Variants in NR5A1 observed in about 807,000 individuals in gnomAD.
NR5A1 encodes nuclear receptor subfamily 5 group A member 1.
In NR5A1, 6 loss-of-function variants were observed where a neutral mutation model predicts 42.7. That is an observed-to-expected ratio of 0.14 (90% CI 0.08 to 0.28). The LOEUF (loss-of-function observed/expected upper bound fraction) is 0.28, where lower values mean the gene tolerates loss of function less well. Among genes scored for constraint, NR5A1 ranks in the 10% least tolerant of loss-of-function variants. NR5A1 has a pLI of 1.00. For synonymous variants in NR5A1, 274 were observed against 277.5 expected (o/e 0.99, Z 0.12); for missense variants, 442 against 626.4 (o/e 0.71, Z 3.14).
chr9:124,487,087 C>A (rs1832223616), intron 6 of NR5A1, among the ~76,000 whole-genome samples: 1 of 152,370 alleles, frequency 6.6e-6, no homozygotes, highest in East Asian at 1.9e-4. Flanking sequence ...GCTCCCGGCA[C>A]TCGCGGAGGT....
At chr9:124,490,649 G>T (rs1484028876) in intron 6 of NR5A1, among the ~76,000 whole-genome samples, 1 of 152,102 alleles carries the variant, frequency 6.6e-6, no homozygotes, top group African/African-American at 2.4e-5. Flanking sequence ...GCTGGGCTTG[G>T]GGGGTTTTTG....
intron 6 of NR5A1, among the ~76,000 whole-genome samples, chr9:124,488,142 G>GT (rs35319224): frequency 0.59 from 85,130 of 145,378 alleles, 26,195 homozygotes; most frequent in African/African-American, 0.77. Flanking sequence ...AGTGCTGCTT[G>GT]TTTTTTTTTC....
chr9:124,489,756 A>G (rs573289882), intron 6 of NR5A1, among the ~76,000 whole-genome samples: 8 of 93,322 alleles, frequency 8.6e-5, no homozygotes, highest in African/African-American at 3.3e-4. Context: ...CCCGCCCCCC[A>G]CCCCAATGGC....
chr9:124,491,031 C>CCCCCCCCCCCCCGGGGGGGGG, intron 6 of NR5A1, 50 bp downstream of exon 6: 4 of 1,217,252 alleles, frequency 3.3e-6, no homozygotes, highest in Non-Finnish European at 4.5e-6. Flanking sequence ...ACCCTCCCAC[C>CCCCCCCCCCCCCGGGGGGGGG]CACCCGCCTC....
chr9:124,500,650 C>T lies in NR5A1; in HGVS notation c.310G>A (p.Ala104Thr). Residue 104 changes from alanine (A) to threonine (T), a missense_variant, in exon 4 of 7, where the codon GCC becomes ACC. Ala to Thr is a moderately conservative substitution (Grantham distance 58). Around this residue, in one of 3 missense-constraint regions of NR5A1, gnomAD observed 71 missense variants for 156.8 expected, o/e 0.45. Transcript: ENST00000373588. The surrounding 1 kb of genome is among the most constrained non-coding windows in gnomAD (Gnocchi z 6.9). ...TGTGCCTTCTTCTGCTGTTTCAGGGCCCGGTCCCGCTTGTACATCGGCCCA... is the reference window on the plus strand; with the variant it reads ...TGTGCCTTCTTCTGCTGTTTCAGGGTCCGGTCCCGCTTGTACATCGGCCCA... ...KFGPMYKRDRALKQQKKAQIR... is the reference protein window; with the variant it reads ...KFGPMYKRDRTLKQQKKAQIR... 1 of 1,613,358 alleles carries T rather than the reference C, an allele frequency of 6.2e-7. No homozygotes were observed. Among genetic ancestry groups the T allele is most frequent in the South Asian group, 1.1e-5 (1 of 91,082 alleles).
intron 6 of NR5A1, among the ~76,000 whole-genome samples, chr9:124,488,155 C>G (rs374567909): frequency 2.0e-5 from 3 of 150,772 alleles, no homozygotes; most frequent in African/African-American, 7.3e-5. Flanking sequence ...TTTTTTTCAC[C>G]CAGAATGCTC....
At chr9:124,494,418 C>T (rs1482739167) in intron 4 of NR5A1, among the ~76,000 whole-genome samples, 6 of 152,242 alleles carry the variant, frequency 3.9e-5, no homozygotes, top group Non-Finnish European at 8.8e-5. Flanking sequence ...TCACAGGCTC[C>T]TTGCCTCCTC....
intron 1 of NR5A1, among the ~76,000 whole-genome samples, chr9:124,505,868 TCCGCGGGGCCA>T (rs1317886495): frequency 6.6e-6 from 1 of 152,094 alleles, no homozygotes. Flanking sequence ...CTAGGGACCA[TCCGCGGGGCCA>T]CTGTTTTTCA....
intron 6 of NR5A1, among the ~76,000 whole-genome samples, 170 bp downstream of exon 6, chr9:124,490,911 G>A (rs1013808413): frequency 1.1e-4 from 16 of 152,164 alleles, no homozygotes; most frequent in African/African-American, 1.7e-4. Context: ...GGCCCTGGCC[G>A]GGGGCCCTCA....
Position 124,482,733 on chromosome 9 carries a change from TCCCGGCCCCGCC to T in NR5A1, c.*13_*24del, listed in dbSNP as rs759904693. 5.1e-5 allele frequency: 21 copies of T among 410,642 alleles called. No homozygotes were observed. Among genetic ancestry groups the T allele is most frequent in the Admixed American group, 2.7e-4 (6 of 21,950 alleles). 25.4% of individuals were successfully genotyped at this position (410,642 alleles called of 1,614,324 possible). A position where few individuals can be genotyped will look rare whatever the true frequency, so the allele number is the denominator to read the frequency against. On this transcript the variant is annotated 3_prime_UTR_variant, in exon 7 of 7. Transcript: ENST00000373588. ...GCCCCGCCCCCAGTCCCGCCCCCAG[TCCCGGCCCCGCC>T]CCCGGCCCAGGCTCAAGTCTGCTTG... is the stretch of plus-strand genomic sequence containing the variant.
At chr9:124,489,473 G>A (rs904713216) in intron 6 of NR5A1, among the ~76,000 whole-genome samples, 6 of 152,218 alleles carry the variant, frequency 3.9e-5, no homozygotes, top group Non-Finnish European at 8.8e-5. Flanking sequence ...GCGTATGAAA[G>A]TTCATCGTTT....
rs569521742 is a variant in NR5A1 at position 124,482,088 on chromosome 9, A to T, written c.*670T>A. 1 of 153,544 alleles carries T rather than the reference A, an allele frequency of 6.5e-6. No individual in the cohort carries two copies. The highest frequency in any genetic ancestry group is 2.1e-4 in the South Asian group (1 of 4,874). 9.5% of individuals were successfully genotyped at this position (153,544 alleles called of 1,614,324 possible). On this transcript the variant is annotated 3_prime_UTR_variant, in exon 7 of 7. Coordinates refer to ENST00000373588, the MANE Select transcript of NR5A1 (RefSeq NM_004959.5). The stretch of plus-strand genomic sequence containing the variant: ...TTCTCCTTGGGTGGGAGAGGGAATC[A>T]GTGATGCCTGGAGCAAAGTTTTTTC...
chr9:124,491,219 T>G lies in NR5A1; in HGVS notation c.1000A>C (p.Thr334Pro), dbSNP rs956455559. The change falls in exon 6 of 7, where the codon ACC becomes CCC. Residue 334 changes from threonine (T) to proline (P), a missense_variant. Thr to Pro is a conservative substitution (Grantham distance 38). This residue lies in a region of NR5A1 where 163 missense variants were observed against 265.8 expected (regional missense o/e 0.61). Transcript: ENST00000373588. ...GAGCCCGCCTGGGTGGCCACTGTGG[T>G]CAGCTCCACCTGGGGGCAGAGGGCA... ...LLVTGQEVEL[T>P]TVATQAGSLL... The G allele has an allele frequency of 6.2e-7, 1 of 1,603,980 alleles. No homozygotes were observed. The highest frequency in any genetic ancestry group is 8.5e-7 in the Non-Finnish European group (1 of 1,175,072).
Position 124,482,589 on chromosome 9 carries a change from C to T in NR5A1, c.*169G>A. The T allele has an allele frequency of 2.5e-6, 2 of 807,950 alleles. No individual in the cohort carries two copies. Among genetic ancestry groups the T allele is most frequent in the Non-Finnish European group, 3.9e-6 (2 of 510,620 alleles). The allele number at this position is 807,950 out of a possible 1,614,324, so 50.0% of individuals were successfully genotyped here. On this transcript the variant is annotated 3_prime_UTR_variant, in exon 7 of 7. Coordinates refer to ENST00000373588, the MANE Select transcript of NR5A1 (RefSeq NM_004959.5). ...GGCCCTGCCCAGCCTCACCCACCTT[C>T]CCAAACACACAGTGTCAGAACTCAG... is the stretch of plus-strand genomic sequence containing the variant.
chr9:124,483,496 AG>A (rs1296723371), intron 6 of NR5A1, among the ~76,000 whole-genome samples: 2 of 152,248 alleles, frequency 1.3e-5, no homozygotes, highest in Admixed American at 6.5e-5. Flanking sequence ...AGTGCTCTGA[AG>A]AACAGTGTCT....
At chr9:124,499,707 T>A (rs1262032056) in intron 4 of NR5A1, among the ~76,000 whole-genome samples, 1 of 151,778 alleles carries the variant, frequency 6.6e-6, no homozygotes, top group Non-Finnish European at 1.5e-5. Context: ...GAGCCCAGGG[T>A]CTCAGAGAAT....
chr9:124,500,008 T>C lies in NR5A1; in HGVS notation c.870+82A>G. 1 of 1,603,158 alleles carries C rather than the reference T, an allele frequency of 6.2e-7. No individual in the cohort carries two copies. Among genetic ancestry groups the C allele is most frequent in the South Asian group, 1.1e-5 (1 of 90,562 alleles). On this transcript the variant is annotated intron_variant, in intron 4 of 6. Transcript: ENST00000373588. The surrounding 1 kb of genome is among the most constrained non-coding windows in gnomAD (Gnocchi z 6.9). The stretch of plus-strand genomic sequence containing the variant: ...CTGAAGCCAGTGGGAAGGATGGCCC[T>C]ATCCAAAGGACAGTCGGGCTAAGGC...
At chr9:124,491,036 C>CCCCCCAGGG in intron 6 of NR5A1, 45 bp downstream of exon 6, 3 of 1,401,584 alleles carry the variant, frequency 2.1e-6, no homozygotes, top group Non-Finnish European at 2.9e-6. Context: ...CCCACCCACC[C>CCCCCCAGGG]GCCTCTGGCT....
intron 4 of NR5A1, among the ~76,000 whole-genome samples, chr9:124,494,442 C>T (rs747090963): frequency 6.6e-6 from 1 of 152,206 alleles, no homozygotes; most frequent in South Asian, 2.1e-4. Context: ...AGATCCTCTA[C>T]CTGATCCCTC....
Sources: allele counts gnomAD v4.1 joint callset (sites outside exome capture counted in the v4.1 genomes callset), GRCh38; gene constraint gnomAD v4.1.1; regional missense constraint gnomAD v4.1.1; non-coding constraint Gnocchi (gnomAD v3.1); transcripts MANE v1.5; gene names NCBI Gene and HGNC (gene_info 2026-07-23, HGNC 2026-07-21).